ATM: variants seen among roughly 807,000 people sequenced by gnomAD.
The protein encoded by ATM is ATM serine/threonine kinase.
ATM carries 308 observed loss-of-function variants against 387.0 expected under a neutral mutation model. That is an observed-to-expected ratio of 0.80 (90% CI 0.73 to 0.87). ATM has a LOEUF of 0.87. Among genes scored for constraint, ATM ranks in the 40% least tolerant of loss-of-function variants. The pLI is 0.00. For missense variants in ATM, 3,312 were observed against 3,560.9 expected, an observed-to-expected ratio of 0.93 and a Z score of 1.78; for synonymous variants, 1,156 against 1,187.3, an observed-to-expected ratio of 0.97 and a Z score of 0.54.
At chr11:108,232,624 C>A (rs762805892) in intron 4 of ATM, among the ~76,000 whole-genome samples, 3 of 126,812 alleles carry the variant, frequency 2.4e-5, no homozygotes, top group Admixed American at 1.0e-4. Flanking sequence ...ACTGCAGCCT[C>A]TTCTTCCTGG....
At chr11:108,358,991 A>C (rs1392224531) in intron 61 of ATM, among the ~76,000 whole-genome samples, 1 of 152,002 alleles carries the variant, frequency 6.6e-6, no homozygotes, top group Non-Finnish European at 1.5e-5. Context: ...ATTAAAAGAC[A>C]CAGACTGGCA....
At chr11:108,323,725 T>TA (rs2085398663) in intron 45 of ATM, among the ~76,000 whole-genome samples, 1 of 152,170 alleles carries the variant, frequency 6.6e-6, no homozygotes, top group African/African-American at 2.4e-5. Context: ...AAGAAACACC[T>TA]AAAGAATAAT....
intron 20 of ATM, 77 bp downstream of exon 20, chr11:108,271,483 A>T: frequency 6.6e-7 from 1 of 1,522,946 alleles, no homozygotes; most frequent in Non-Finnish European, 9.1e-7. Context: ...TATCCACATC[A>T]GTGATTTCTT....
chr11:108,299,747 C>T lies in ATM; in HGVS notation c.5039C>T (p.Pro1680Leu), dbSNP rs587782153. The change falls in exon 34 of 63, where the codon CCT becomes CTT. Residue 1680 changes from proline (P) to leucine (L), a missense_variant. This residue lies in a region of ATM where 1,405 missense variants were observed against 1,604.4 expected (regional missense o/e 0.88). Coordinates refer to ENST00000675843, the MANE Select transcript of ATM (RefSeq NM_000051.4). ...GGAAGCTGCTTGGGAGAAGTGGGTC[C>T]TATAGATTTCTCTACCATAGCTATA... ...AVGSCLGEVG[P>L]IDFSTIAIQH... 14 of 1,613,704 alleles carry T rather than the reference C, an allele frequency of 8.7e-6. No homozygotes were observed. The Admixed American group carries it at 2.3e-4, about 27-fold the overall frequency.
At chr11:108,237,641 G>A (rs2079345194) in intron 5 of ATM, among the ~76,000 whole-genome samples, 1 of 152,038 alleles carries the variant, frequency 6.6e-6, no homozygotes, top group Non-Finnish European at 1.5e-5. Flanking sequence ...ATATATATTT[G>A]GTACAGGTGG....
In ATM at chr11:108,279,562, C is replaced by T. The variant is rs778882461; in HGVS notation, c.3356C>T (p.Ala1119Val). Reference protein sequence around the residue: ...KALPLKLQQTAFENAYLKAQE... With the variant: ...KALPLKLQQTVFENAYLKAQE... ...CTTCCTTTGAAGCTTCAGCAAACAG[C>T]TTTTGAAAATGCATACTTGAAAGCT... is the stretch of plus-strand genomic sequence containing the variant. Residue 1119 changes from alanine (A) to valine (V), a missense_variant, in exon 23 of 63, where the codon GCT becomes GTT. Around this residue, in one of 4 missense-constraint regions of ATM, gnomAD observed 1,791 missense variants for 1,804.5 expected, o/e 0.99. Transcript: ENST00000675843. 1.2e-6 allele frequency: 2 copies of T among 1,613,684 alleles called. No individual in the cohort carries two copies. The highest frequency in any genetic ancestry group is 1.7e-4 in the Middle Eastern group (1 of 6,058).
chr11:108,349,115 G>A (rs2088853972), intron 59 of ATM, among the ~76,000 whole-genome samples: 1 of 152,196 alleles, frequency 6.6e-6, no homozygotes, highest in African/African-American at 2.4e-5. Context: ...TGGAAAGGCT[G>A]AGCCAGAAAA....
rs879006442 is a variant in ATM at position 108,267,017 on chromosome 11, A to G, written c.2467-154A>G. Among the ~76,000 whole-genome samples the G allele has an allele frequency of 5.3e-5, 8 of 152,176 alleles. No homozygotes were observed. The East Asian group carries it at 9.7e-4, about 18-fold the overall frequency. On this transcript the variant is annotated intron_variant, in intron 16 of 62. Coordinates refer to ENST00000675843, the MANE Select transcript of ATM (RefSeq NM_000051.4). ...CACCATGTTGGCCAGGCTGGTTTCG[A>G]ACTCCCGACCTCAGGTGATCCACCT...
At chr11:108,286,771 C>T (rs761993107) in intron 26 of ATM, among the ~76,000 whole-genome samples, 2 of 152,070 alleles carry the variant, frequency 1.3e-5, no homozygotes, top group South Asian at 2.1e-4. Context: ...GCCTCATTTA[C>T]GTTAGGTTTC....
chr11:108,303,467 A>T (rs1331989930), intron 36 of ATM, among the ~76,000 whole-genome samples: 1 of 152,144 alleles, frequency 6.6e-6, no homozygotes, highest in East Asian at 1.9e-4. Flanking sequence ...GTACATACCA[A>T]ATGAAACAAA....
chr11:108,282,982 A>G (rs769492922), intron 25 of ATM, 103 bp downstream of exon 25: 3 of 728,828 alleles, frequency 4.1e-6, no homozygotes, highest in Non-Finnish European at 6.7e-6. Context: ...ACCCATACAC[A>G]TGTGTGTGTG....
At chr11:108,331,322 TGAA>T (rs2086209765) in intron 50 of ATM, 119 bp from the exon 51 acceptor site, 1 of 1,467,358 alleles carries the variant, frequency 6.8e-7, no homozygotes, top group African/African-American at 1.4e-5. Context: ...ATATAGTTAG[TGAA>T]GTTTTGTTAA....
intron 59 of ATM, 89 bp downstream of exon 59, chr11:108,347,454 A>G (rs2088587173): frequency 9.0e-7 from 1 of 1,106,204 alleles, no homozygotes; most frequent in Admixed American, 1.9e-5. Context: ...TTACAAATAT[A>G]AGAGACAGAT....
intron 25 of ATM, 93 bp downstream of exon 25, chr11:108,282,972 A>T (rs1352676400): frequency 5.1e-6 from 4 of 786,256 alleles, no homozygotes; most frequent in Non-Finnish European, 8.1e-6. Context: ...CACATACCAT[A>T]CCCATACACA....
intron 40 of ATM, among the ~76,000 whole-genome samples, chr11:108,312,803 G>T (rs569325883): frequency 6.6e-6 from 1 of 152,102 alleles, no homozygotes; most frequent in African/African-American, 2.4e-5. Context: ...AGCACTTAGG[G>T]TTTATAATTA....
rs776142099 is a variant in ATM at position 108,297,403 on chromosome 11, G to A, written c.5005+21G>A. 2.4e-5 allele frequency: 38 copies of A among 1,577,818 alleles called. No individual in the cohort carries two copies. In the Admixed American group the frequency reaches 2.7e-4, roughly 11 times the overall value. ...TCTAGGTAAACTACAGTCATGCGCT[G>A]CGTGACATTTCAGTCAACTGCGGAT... is the stretch of plus-strand genomic sequence containing the variant. On this transcript the variant is annotated intron_variant, in intron 33 of 62. Coordinates refer to ENST00000675843, the MANE Select transcript of ATM (RefSeq NM_000051.4).
rs587781672 is a variant in ATM, at chr11:108,329,027, G to C, written c.7096G>C (p.Glu2366Gln). ...IMQTYLEKAV[E>Q]VAGNYDGESS... ...TGGTTGTGTTTTCTTGAAGGCAGTA[G>C]AAGTTGCTGGAAATTATGATGGAGA... is the stretch of plus-strand genomic sequence containing the variant. The change falls in exon 49 of 63, where the codon GAA (glutamate) becomes CAA (glutamine). Residue 2366 changes from glutamate to glutamine, a missense_variant. Physicochemically the swap from Glu to Gln is conservative, Grantham distance 29. Around this residue, in one of 4 missense-constraint regions of ATM, gnomAD observed 1,405 missense variants for 1,604.4 expected, o/e 0.88. Transcript: ENST00000675843. 6.2e-7 allele frequency: 1 copy of C among 1,613,910 alleles called. No individual in the cohort carries two copies.
Position 108,282,870 on chromosome 11 carries a change from A to G in ATM, c.3737A>G (p.Asp1246Gly). 1 of 1,487,810 alleles carries G rather than the reference A, an allele frequency of 6.7e-7. No individual in the cohort carries two copies. The highest frequency in any genetic ancestry group is 1.1e-5 in the South Asian group (1 of 87,572). 92.2% of individuals were successfully genotyped at this position (1,487,810 alleles called of 1,614,324 possible). Residue 1246 changes from aspartate to glycine, a missense_variant, in exon 25 of 63, where the codon GAT becomes GGT. Around this residue, in one of 4 missense-constraint regions of ATM, gnomAD observed 1,791 missense variants for 1,804.5 expected, o/e 0.99. Transcript: ENST00000675843. ...TTATTAAACTACACAAATATTGAGG[A>G]TTTCTATAGGTAAGTTTATACATGA... ...FILLNYTNIE[D>G]FYRSCYKVLI...
At chr11:108,281,397 G>T (rs1018236084) in intron 24 of ATM, among the ~76,000 whole-genome samples, 2 of 152,144 alleles carry the variant, frequency 1.3e-5, no homozygotes, top group Non-Finnish European at 2.9e-5. Flanking sequence ...GGCTTTCATT[G>T]TACTAACAAG....
Sources: allele counts gnomAD v4.1 joint callset (sites outside exome capture counted in the v4.1 genomes callset), GRCh38; gene constraint gnomAD v4.1.1; regional missense constraint gnomAD v4.1.1; transcripts MANE v1.5; gene names NCBI Gene and HGNC (gene_info 2026-07-23, HGNC 2026-07-21).